Variants in SCIMP observed in about 807,000 individuals in gnomAD.
SCIMP encodes the protein SLP adaptor and CSK interacting membrane protein.
In SCIMP, 18 loss-of-function variants were observed where a neutral mutation model predicts 22.0. That is an observed-to-expected ratio of 0.82 (90% CI 0.56 to 1.21). SCIMP has a LOEUF of 1.21. Ranked by LOEUF, SCIMP falls within the 50% of genes most tolerant of loss-of-function variation. The pLI is 0.00. For synonymous variants in SCIMP, 53 were observed against 62.2 expected, an observed-to-expected ratio of 0.85 and a Z score of 0.70; for missense variants, 155 against 171.2, an observed-to-expected ratio of 0.91 and a Z score of 0.53.
chr17:5,221,071 A>AT, intron 3 of SCIMP: 1 of 610,878 alleles, frequency 1.6e-6, no homozygotes. Flanking sequence ...AAAAAAAAAA[A>AT]GAGAGAGAGA....
intron 4 of SCIMP, 192 bp downstream of exon 4, chr17:5,214,733 C>T (rs756907841): frequency 4.3e-5 from 21 of 484,106 alleles, no homozygotes; most frequent in African/African-American, 4.6e-5. Context: ...CCAGCTACTC[C>T]GGAGGCTGAG....
chr17:5,213,528 T>C (rs1181946546), intron 4 of SCIMP: 4 of 152,316 alleles, frequency 2.6e-5, no homozygotes, highest in Non-Finnish European at 4.4e-5. Context: ...TATGCCACTG[T>C]GCCTGGCCTC....
intron 2 of SCIMP, among the ~76,000 whole-genome samples, chr17:5,221,936 C>G (rs1471508384): frequency 6.6e-6 from 1 of 151,882 alleles, no homozygotes; most frequent in African/African-American, 2.4e-5. Context: ...CCACACCTGG[C>G]TAATTTTTGT....
chr17:5,212,507 A>G (rs550931574), intron 4 of SCIMP, among the ~76,000 whole-genome samples: 2 of 152,244 alleles, frequency 1.3e-5, no homozygotes, highest in East Asian at 1.9e-4. Flanking sequence ...GGTGGCAGGC[A>G]CCTGTAGTCC....
At chr17:5,214,621 A>T (rs2144308819) in intron 4 of SCIMP, 1 of 282,124 alleles carries the variant, frequency 3.5e-6, no homozygotes, top group East Asian at 6.1e-5. Flanking sequence ...CCGGTGGATC[A>T]CGAGGTCAGG....
chr17:5,219,105 G>A (rs547659164), intron 3 of SCIMP, among the ~76,000 whole-genome samples: 1 of 150,436 alleles, frequency 6.6e-6, no homozygotes, highest in Non-Finnish European at 1.5e-5. Context: ...AGATCACGAG[G>A]TTAGGAGTTC....
intron 1 of SCIMP, among the ~76,000 whole-genome samples, chr17:5,232,715 CT>C (rs10713853): frequency 0.13 from 18,468 of 145,548 alleles, 1,154 homozygotes; most frequent in Middle Eastern, 0.17. Flanking sequence ...CGTTCTTCTT[CT>C]TTTTTTTTTT....
At chr17:5,232,148 T>C (rs2074702935) in intron 1 of SCIMP, among the ~76,000 whole-genome samples, 2 of 152,148 alleles carry the variant, frequency 1.3e-5, no homozygotes, top group Non-Finnish European at 1.5e-5. Flanking sequence ...GAGGAGCTGA[T>C]AGAAAATGCT....
At chr17:5,225,515 CTT>C (rs1409195389) in intron 1 of SCIMP, among the ~76,000 whole-genome samples, 2 of 152,146 alleles carry the variant, frequency 1.3e-5, no homozygotes, top group Non-Finnish European at 2.9e-5. Context: ...AATCTCATAA[CTT>C]TGGGTGGCTG....
At chr17:5,231,646 G>C (rs1056237552) in intron 1 of SCIMP, among the ~76,000 whole-genome samples, 4 of 152,144 alleles carry the variant, frequency 2.6e-5, no homozygotes, top group African/African-American at 9.7e-5. Flanking sequence ...TAGGCCACCT[G>C]CTTCTTTGTC....
chr17:5,215,346 C>T (rs774963648), intron 3 of SCIMP: 20 of 188,122 alleles, frequency 1.1e-4, no homozygotes, highest in Non-Finnish European at 6.7e-5. Context: ...GGCATGGTGG[C>T]GCATGCCTGT....
At chr17:5,218,375 C>T (rs1226179363) in intron 3 of SCIMP, among the ~76,000 whole-genome samples, 2 of 146,674 alleles carry the variant, frequency 1.4e-5, no homozygotes, top group Admixed American at 6.9e-5. Flanking sequence ...GAGTTTCACT[C>T]GTCACCCAGG....
At chr17:5,230,963 A>G (rs2074689240) in intron 1 of SCIMP, among the ~76,000 whole-genome samples, 1 of 152,158 alleles carries the variant, frequency 6.6e-6, no homozygotes, top group African/African-American at 2.4e-5. Context: ...AAGCCTATAG[A>G]GCTAAAAGTC....
At chr17:5,233,172 C>T (rs912673649) in intron 1 of SCIMP, among the ~76,000 whole-genome samples, 5 of 152,090 alleles carry the variant, frequency 3.3e-5, no homozygotes, top group Admixed American at 6.6e-5. Context: ...TGGAAAAGAC[C>T]GGAAACCTTG....
At chr17:5,228,854 A>G (rs533032330) in intron 1 of SCIMP, among the ~76,000 whole-genome samples, 19 of 152,296 alleles carry the variant, frequency 1.2e-4, no homozygotes, top group African/African-American at 2.2e-4. Flanking sequence ...AGGACATACC[A>G]TACATATCTG....
At chr17:5,224,679 A>T (rs1202996214) in intron 1 of SCIMP, among the ~76,000 whole-genome samples, 60 of 140,436 alleles carry the variant, frequency 4.3e-4, no homozygotes, top group Middle Eastern at 8.8e-3. Flanking sequence ...CTAGTCTCGA[A>T]CTCCTGACCT....
chr17:5,216,235 T>C (rs778005941), intron 3 of SCIMP, among the ~76,000 whole-genome samples: 6 of 152,080 alleles, frequency 3.9e-5, no homozygotes, highest in Non-Finnish European at 8.8e-5. Context: ...ACTGGTGTAC[T>C]CCCACGGTGG....
chr17:5,231,461 CTG>C (rs1005780364), intron 1 of SCIMP, among the ~76,000 whole-genome samples: 20 of 152,054 alleles, frequency 1.3e-4, no homozygotes, highest in Admixed American at 5.2e-4. Context: ...TCAACTTGGT[CTG>C]TGTGAGTGTC....
At chr17:5,220,131 A>G (rs551541464) in intron 3 of SCIMP, among the ~76,000 whole-genome samples, 65 of 152,294 alleles carry the variant, frequency 4.3e-4, no homozygotes, top group African/African-American at 1.5e-3. Context: ...ATAAAGCCCC[A>G]AATAGATCAC....
Sources: allele counts gnomAD v4.1 joint callset (sites outside exome capture counted in the v4.1 genomes callset), GRCh38; gene constraint gnomAD v4.1.1; transcripts MANE v1.5; gene names NCBI Gene and HGNC (gene_info 2026-07-23, HGNC 2026-07-21).